Variants in LYPLAL1 observed in about 807,000 individuals in gnomAD.
LYPLAL1 encodes the protein lysophospholipase like 1.
In LYPLAL1, 23 loss-of-function variants were observed where a neutral mutation model predicts 19.7. That is an observed-to-expected ratio of 1.17 (90% CI 0.84 to 1.65). The LOEUF (loss-of-function observed/expected upper bound fraction) is 1.65, where lower values mean the gene tolerates loss of function less well. LYPLAL1 is among the 40% of genes most tolerant of loss of function. LYPLAL1 has a pLI of 0.00. For synonymous variants in LYPLAL1, 119 were observed against 96.3 expected, an observed-to-expected ratio of 1.24 and a Z score of -1.38; for missense variants, 355 against 279.4, an observed-to-expected ratio of 1.27 and a Z score of -1.93.
At chr1:219,416,722 G>A in the LYPLAL1 span, among the ~76,000 whole-genome samples, 2 of 152,188 alleles carry the variant, frequency 1.3e-5, no homozygotes, top group South Asian at 2.1e-4. Flanking sequence ...CCAGGTCATT[G>A]CCATGGCATT....
chr1:219,287,251 G>A, the LYPLAL1 span, among the ~76,000 whole-genome samples: 1 of 152,136 alleles, frequency 6.6e-6, no homozygotes, highest in Non-Finnish European at 1.5e-5. Context: ...CCGCCAATAC[G>A]TAAATAATTT....
the LYPLAL1 span, among the ~76,000 whole-genome samples, chr1:219,387,721 A>T: frequency 4.1e-4 from 62 of 152,290 alleles, no homozygotes; most frequent in African/African-American, 1.4e-3. Flanking sequence ...AATCACTGGG[A>T]TGTGATGGTG....
the LYPLAL1 span, among the ~76,000 whole-genome samples, chr1:219,344,369 C>T: frequency 2.6e-5 from 4 of 152,160 alleles, no homozygotes; most frequent in Admixed American, 2.0e-4. Context: ...TTCTCGTCTC[C>T]CTTCTCTTTC....
chr1:219,333,080 A>G, the LYPLAL1 span, among the ~76,000 whole-genome samples: 1 of 152,002 alleles, frequency 6.6e-6, no homozygotes, highest in African/African-American at 2.4e-5. Context: ...TTACACTTCA[A>G]GTTGATCCTT....
chr1:219,249,464 TTG>T, the LYPLAL1 span, among the ~76,000 whole-genome samples: 6 of 151,720 alleles, frequency 4.0e-5, no homozygotes, highest in Admixed American at 2.6e-4. Flanking sequence ...TGTTAGGGAT[TTG>T]TGTGTGTGTG....
chr1:219,283,985 TCCC>T, the LYPLAL1 span, among the ~76,000 whole-genome samples: 1 of 152,176 alleles, frequency 6.6e-6, no homozygotes, highest in African/African-American at 2.4e-5. Context: ...AAATTGTAAT[TCCC>T]ACGTATGGAG....
At chr1:219,423,505 A>G in the LYPLAL1 span, among the ~76,000 whole-genome samples, 1 of 152,134 alleles carries the variant, frequency 6.6e-6, no homozygotes, top group African/African-American at 2.4e-5. Flanking sequence ...GATATATAAA[A>G]CCCTAATAAC....
At chr1:219,236,684 G>A in the LYPLAL1 span, among the ~76,000 whole-genome samples, 14 of 152,134 alleles carry the variant, frequency 9.2e-5, no homozygotes, top group African/African-American at 3.1e-4. Context: ...ACTATAGTTG[G>A]ATAGTCTACT....
the LYPLAL1 span, among the ~76,000 whole-genome samples, chr1:219,267,872 A>G: frequency 2.0e-5 from 3 of 152,106 alleles, no homozygotes; most frequent in African/African-American, 4.8e-5. Flanking sequence ...GTCCCACCCT[A>G]TATCATTTAA....
chr1:219,317,190 G>A, the LYPLAL1 span, among the ~76,000 whole-genome samples: 2 of 152,200 alleles, frequency 1.3e-5, no homozygotes, highest in South Asian at 4.1e-4. Context: ...AATACTTCAT[G>A]TCAATTTTCT....
intron 2 of LYPLAL1, among the ~76,000 whole-genome samples, chr1:219,179,909 T>C (rs1368080440): frequency 2.6e-5 from 4 of 152,260 alleles, no homozygotes; most frequent in Non-Finnish European, 5.9e-5. Context: ...GGATTTTTTT[T>C]TGGTTAAGTG....
chr1:219,276,657 C>T, the LYPLAL1 span, among the ~76,000 whole-genome samples: 11 of 152,042 alleles, frequency 7.2e-5, no homozygotes, highest in South Asian at 2.1e-4. Flanking sequence ...TTGGGGAATA[C>T]GACAAATAAA....
chr1:219,298,497 C>T, the LYPLAL1 span, among the ~76,000 whole-genome samples: 1 of 152,134 alleles, frequency 6.6e-6, no homozygotes, highest in East Asian at 1.9e-4. Context: ...ATGAAAACCA[C>T]CTTCTTCCTC....
the LYPLAL1 span, among the ~76,000 whole-genome samples, chr1:219,311,802 C>T: frequency 6.6e-6 from 1 of 152,084 alleles, no homozygotes; most frequent in Admixed American, 6.5e-5. Context: ...TGGTGCTGTG[C>T]ATTTTTTCTT....
At chr1:219,395,931 G>A in the LYPLAL1 span, among the ~76,000 whole-genome samples, 15 of 151,976 alleles carry the variant, frequency 9.9e-5, no homozygotes, top group East Asian at 3.9e-4. Flanking sequence ...GTGGAACCCC[G>A]TCTCTACTAA....
At chr1:219,338,559 C>T in the LYPLAL1 span, among the ~76,000 whole-genome samples, 1 of 151,852 alleles carries the variant, frequency 6.6e-6, no homozygotes, top group Admixed American at 6.6e-5. Flanking sequence ...AAAATATCCA[C>T]CTCAATATCT....
At chr1:219,203,614 TG>T (rs1395803048) in intron 3 of LYPLAL1, among the ~76,000 whole-genome samples, 1 of 152,176 alleles carries the variant, frequency 6.6e-6, no homozygotes, top group Non-Finnish European at 1.5e-5. Flanking sequence ...TAATTGAGAA[TG>T]TGACTGGTAA....
At chr1:219,368,687 G>A in the LYPLAL1 span, among the ~76,000 whole-genome samples, 2 of 152,334 alleles carry the variant, frequency 1.3e-5, no homozygotes, top group Admixed American at 6.5e-5. Context: ...AAGCAATCGT[G>A]TGTATAATTC....
the LYPLAL1 span, among the ~76,000 whole-genome samples, chr1:219,347,027 A>T: frequency 6.6e-6 from 1 of 152,230 alleles, no homozygotes; most frequent in Non-Finnish European, 1.5e-5. Context: ...CACCTCTGAC[A>T]GTACTTCAAT....
Sources: allele counts gnomAD v4.1 joint callset (sites outside exome capture counted in the v4.1 genomes callset), GRCh38; gene constraint gnomAD v4.1.1; transcripts MANE v1.5; gene names NCBI Gene and HGNC (gene_info 2026-07-23, HGNC 2026-07-21).